The following STK33 variants were observed in gnomAD, a reference collection of about 807,000 sequenced individuals.
STK33 encodes serine/threonine-protein kinase 33.
In STK33, 52 loss-of-function variants were observed where a neutral mutation model predicts 58.0. The ratio of observed to expected loss-of-function variants is 0.90; its 90% CI spans 0.72 to 1.13. STK33 has a LOEUF of 1.13. STK33 is among the 50% of genes most tolerant of loss of function. STK33 has a pLI of 0.00. For synonymous variants in STK33, 215 were observed against 200.1 expected, an observed-to-expected ratio of 1.07 and a Z score of -0.63; for missense variants, 630 against 604.2, an observed-to-expected ratio of 1.04 and a Z score of -0.45.
chr11:8,567,127 G>T (rs1311346111), intron 1 of STK33: 1 of 152,090 alleles, frequency 6.6e-6, no homozygotes, highest in Non-Finnish European at 1.5e-5. Context: ...GTGACAGAGT[G>T]AGACCCTGTC....
intron 11 of STK33, among the ~76,000 whole-genome samples, chr11:8,449,780 A>AAAAG (rs376246030): frequency 2.6e-5 from 4 of 152,144 alleles, no homozygotes; most frequent in Admixed American, 1.3e-4. Flanking sequence ...AAAGTATAAT[A>AAAAG]AAAGAAAGAA....
chr11:8,469,719 A>G (rs1948591474), intron 6 of STK33, among the ~76,000 whole-genome samples: 1 of 152,202 alleles, frequency 6.6e-6, no homozygotes, highest in Non-Finnish European at 1.5e-5. Flanking sequence ...AGGCTACAAA[A>G]CAGAAATCAC....
intron 6 of STK33, chr11:8,466,011 C>T (rs1948138397): frequency 6.6e-6 from 1 of 152,116 alleles, no homozygotes; most frequent in South Asian, 2.1e-4. Flanking sequence ...TCTCGTGAGA[C>T]CCATTCACTA....
chr11:8,482,001 G>C (rs927610059), intron 1 of STK33, among the ~76,000 whole-genome samples: 1 of 152,110 alleles, frequency 6.6e-6, no homozygotes, highest in Non-Finnish European at 1.5e-5. Flanking sequence ...ATAATAAAGC[G>C]TGTAAATCAT....
intron 1 of STK33, among the ~76,000 whole-genome samples, chr11:8,585,997 G>C (rs2031528561): frequency 1.3e-5 from 2 of 152,004 alleles, no homozygotes; most frequent in Admixed American, 6.6e-5. Context: ...AGTTTGCAGT[G>C]AACCAAGATT....
chr11:8,487,252 C>T (rs933151278), intron 1 of STK33, among the ~76,000 whole-genome samples: 5 of 151,642 alleles, frequency 3.3e-5, no homozygotes, highest in African/African-American at 7.3e-5. Flanking sequence ...GGCAAGACCC[C>T]GTCTCTACAA....
chr11:8,514,409 G>C (rs913329906), intron 1 of STK33, among the ~76,000 whole-genome samples: 1 of 152,130 alleles, frequency 6.6e-6, no homozygotes, highest in Admixed American at 6.5e-5. Context: ...AAAAAAATCT[G>C]AGCTGTAAAA....
chr11:8,369,953 C>G, the STK33 span, among the ~76,000 whole-genome samples: 1 of 152,172 alleles, frequency 6.6e-6, no homozygotes, highest in African/African-American at 2.4e-5. Flanking sequence ...ATTCAGAGCC[C>G]TGGATGGGGG....
At chr11:8,515,223 GAA>G (rs1453672616) in intron 1 of STK33, among the ~76,000 whole-genome samples, 3 of 152,090 alleles carry the variant, frequency 2.0e-5, no homozygotes, top group African/African-American at 7.2e-5. Context: ...AGAAATGAAA[GAA>G]GAGATATTAC....
intron 14 of STK33, among the ~76,000 whole-genome samples, chr11:8,424,322 C>A (rs1942399956): frequency 8.0e-6 from 1 of 124,674 alleles, no homozygotes; most frequent in Non-Finnish European, 1.8e-5. Context: ...ATGAACTCAT[C>A]ATTTTTTATG....
At chr11:8,585,571 A>G (rs948718300) in intron 1 of STK33, among the ~76,000 whole-genome samples, 2 of 151,988 alleles carry the variant, frequency 1.3e-5, no homozygotes, top group African/African-American at 4.8e-5. Context: ...CAAGTCCAAG[A>G]CAGATGTTAA....
intron 1 of STK33, among the ~76,000 whole-genome samples, chr11:8,576,824 C>A (rs1958219613): frequency 6.6e-6 from 1 of 152,154 alleles, no homozygotes; most frequent in South Asian, 2.1e-4. Context: ...AAACTCCTAA[C>A]AACAATGCTA....
intron 14 of STK33, among the ~76,000 whole-genome samples, chr11:8,415,384 T>C (rs193212340): frequency 7.2e-5 from 11 of 152,292 alleles, no homozygotes; most frequent in Admixed American, 7.2e-4. Flanking sequence ...CATGACCATG[T>C]GCCTTACTTT....
intron 1 of STK33, among the ~76,000 whole-genome samples, chr11:8,592,586 C>T (rs2032790175): frequency 6.6e-6 from 1 of 152,102 alleles, no homozygotes; most frequent in Non-Finnish European, 1.5e-5. Flanking sequence ...GCCCTTTGAC[C>T]TCCCTATAAT....
intron 2 of STK33, among the ~76,000 whole-genome samples, chr11:8,477,572 A>T (rs1949400092): frequency 6.6e-6 from 1 of 152,166 alleles, no homozygotes; most frequent in South Asian, 2.1e-4. Context: ...TACTCCTAAA[A>T]GCATACTTAC....
intron 15 of STK33, among the ~76,000 whole-genome samples, chr11:8,400,588 CT>C (rs1357689575): frequency 6.6e-6 from 1 of 152,172 alleles, no homozygotes; most frequent in Admixed American, 6.5e-5. Context: ...CTCACCACTC[CT>C]ATTTAACATA....
intron 1 of STK33, among the ~76,000 whole-genome samples, chr11:8,546,444 A>G (rs1955918434): frequency 6.6e-6 from 1 of 152,204 alleles, no homozygotes; most frequent in Non-Finnish European, 1.5e-5. Flanking sequence ...TATGCTGGAA[A>G]CATTCCAAAT....
At chr11:8,586,374 A>C (rs1006386595) in intron 1 of STK33, among the ~76,000 whole-genome samples, 5 of 152,134 alleles carry the variant, frequency 3.3e-5, no homozygotes, top group African/African-American at 1.2e-4. Flanking sequence ...TTCCACCTCT[A>C]GGCCTTTGAG....
chr11:8,454,668 T>C, intron 10 of STK33, 76 bp downstream of exon 10: 1 of 1,457,138 alleles, frequency 6.9e-7, no homozygotes, highest in South Asian at 1.3e-5. Context: ...AACATGTGTC[T>C]AAAAAGAGGA....
Sources: gnomAD v4.1 joint callset for allele counts (sites outside exome capture counted in the v4.1 genomes callset) on GRCh38, gnomAD v4.1.1 for gene constraint, MANE v1.5 for transcripts, NCBI Gene and HGNC (gene_info 2026-07-23, HGNC 2026-07-21) for gene names.